TGFBR3: variants seen among roughly 807,000 people sequenced by gnomAD.
The protein encoded by TGFBR3 is transforming growth factor beta receptor type 3.
Under a neutral mutation model 87.9 loss-of-function variants are expected in TGFBR3, and 46 were observed. That is an observed-to-expected ratio of 0.52 (90% confidence interval 0.41 to 0.67). TGFBR3 has a LOEUF of 0.67. Among genes scored for constraint, TGFBR3 ranks in the 30% least tolerant of loss-of-function variants. The pLI is 0.00. For synonymous variants in TGFBR3, 381 were observed against 391.6 expected (o/e 0.97, Z 0.32); for missense variants, 866 against 1,041.9 (o/e 0.83, Z 2.32).
chr1:91,715,482 C>A (rs1024675821), intron 12 of TGFBR3, among the ~76,000 whole-genome samples: 1 of 152,156 alleles, frequency 6.6e-6, no homozygotes, highest in African/African-American at 2.4e-5. Context: ...ATTAGCCTCC[C>A]TTATAGGATG....
At chr1:91,778,065 CAGTA>C (rs1417545001) in intron 3 of TGFBR3, among the ~76,000 whole-genome samples, 1 of 151,518 alleles carries the variant, frequency 6.6e-6, no homozygotes, top group Non-Finnish European at 1.5e-5. Flanking sequence ...CTGTGCAAGG[CAGTA>C]AGATATAAGC....
At chr1:91,768,056 T>C (rs1403816204) in intron 3 of TGFBR3, among the ~76,000 whole-genome samples, 1 of 151,772 alleles carries the variant, frequency 6.6e-6, no homozygotes, top group East Asian at 1.9e-4. Flanking sequence ...CTATTAAAAA[T>C]ACAAAATTAG....
At chr1:91,724,837 C>T (rs1159963098) in intron 7 of TGFBR3, among the ~76,000 whole-genome samples, 5 of 152,180 alleles carry the variant, frequency 3.3e-5, no homozygotes, top group Admixed American at 2.0e-4. Context: ...AGTGCCTCCA[C>T]ACTCCCCCAT....
At chr1:91,833,496 G>A (rs1463610503) in intron 2 of TGFBR3, among the ~76,000 whole-genome samples, 10 of 147,404 alleles carry the variant, frequency 6.8e-5, no homozygotes, top group South Asian at 2.2e-4. Context: ...GGCCAGGCAC[G>A]GTGGCTTACG....
intron 15 of TGFBR3, 30 bp downstream of exon 15, chr1:91,698,059 T>C: frequency 6.2e-7 from 1 of 1,611,016 alleles, no homozygotes; most frequent in Non-Finnish European, 8.5e-7. Context: ...CCAGGAGGTT[T>C]TATTTCGAAA....
At chr1:91,777,524 C>T (rs1189393667) in intron 3 of TGFBR3, among the ~76,000 whole-genome samples, 2 of 152,112 alleles carry the variant, frequency 1.3e-5, no homozygotes, top group Admixed American at 1.3e-4. Context: ...CAAAAAGCAG[C>T]ACCAGGCAAG....
chr1:91,720,918 T>C (rs1416451375), intron 8 of TGFBR3, among the ~76,000 whole-genome samples: 1 of 152,218 alleles, frequency 6.6e-6, no homozygotes, highest in Admixed American at 6.5e-5. Context: ...TGGAACATAT[T>C]CCCTTGAAAG....
chr1:91,757,229 A>C (rs1242667250), intron 4 of TGFBR3, among the ~76,000 whole-genome samples: 1 of 152,052 alleles, frequency 6.6e-6, no homozygotes, highest in Non-Finnish European at 1.5e-5. Context: ...ATGTCGTTCA[A>C]TTTGGTTTTG....
At chr1:91,699,346 C>G (rs1052849253) in intron 14 of TGFBR3, among the ~76,000 whole-genome samples, 1 of 151,960 alleles carries the variant, frequency 6.6e-6, no homozygotes, top group Non-Finnish European at 1.5e-5. Context: ...GCTAGTCTCT[C>G]CCACCCTTGC....
intron 2 of TGFBR3, among the ~76,000 whole-genome samples, chr1:91,807,005 G>A (rs1675859610): frequency 6.6e-6 from 1 of 152,282 alleles, no homozygotes; most frequent in South Asian, 2.1e-4. Context: ...TACCAACACA[G>A]GATATGACGC....
chr1:91,740,433 T>C (rs1450644754), intron 4 of TGFBR3, among the ~76,000 whole-genome samples: 4 of 149,564 alleles, frequency 2.7e-5, no homozygotes, highest in African/African-American at 7.4e-5. Flanking sequence ...GGCATGATCT[T>C]GGCTCATTGC....
chr1:91,736,430 A>T (rs1672969895), intron 4 of TGFBR3, among the ~76,000 whole-genome samples: 1 of 141,138 alleles, frequency 7.1e-6, no homozygotes, highest in Admixed American at 7.6e-5. Flanking sequence ...AGCTACTCAC[A>T]ACAGCTACCA....
intron 2 of TGFBR3, among the ~76,000 whole-genome samples, chr1:91,816,649 C>A (rs946542493): frequency 6.6e-5 from 10 of 152,228 alleles, no homozygotes; most frequent in African/African-American, 2.2e-4. Context: ...CTAGAAACTG[C>A]GTGGTTCCCA....
chr1:91,745,897 A>G (rs1673328783), intron 4 of TGFBR3, among the ~76,000 whole-genome samples: 1 of 152,236 alleles, frequency 6.6e-6, no homozygotes. Flanking sequence ...CATTCATGAA[A>G]CACAAATCCA....
rs371345817 is a variant in TGFBR3 at position 91,835,940 on chromosome 1, A to G, written c.61+25531T>C. On this transcript the variant is annotated intron_variant, in intron 2 of 16. Transcript: ENST00000212355. ...TTACCCTAAAACATTACTTGAGGAT[A>G]TATGTTGTTAATGAGATAAAAATTC... 4.7e-4 allele frequency among the ~76,000 whole-genome samples: 71 copies of G among 151,544 alleles called. 2 individuals are homozygous for G. In the South Asian group the frequency reaches 0.014, roughly 29 times the overall value.
At chr1:91,837,213 G>T (rs1210839951) in intron 2 of TGFBR3, among the ~76,000 whole-genome samples, 1 of 142,464 alleles carries the variant, frequency 7.0e-6, no homozygotes, top group East Asian at 2.0e-4. Flanking sequence ...AAGACTATAA[G>T]TAAGGATATT....
At chr1:91,784,140 C>T (rs958315485) in intron 3 of TGFBR3, among the ~76,000 whole-genome samples, 50 of 152,122 alleles carry the variant, frequency 3.3e-4, no homozygotes, top group African/African-American at 1.2e-3. Context: ...AAAGACTGAA[C>T]AAAGATCTGC....
intron 1 of TGFBR3, among the ~76,000 whole-genome samples, chr1:91,873,813 G>C (rs1180328657): frequency 6.6e-6 from 1 of 152,166 alleles, no homozygotes; most frequent in Non-Finnish European, 1.5e-5. Flanking sequence ...GGCTGGGCCT[G>C]ATGGCATGTG....
chr1:91,896,220 A>C (rs1679547994), intron 2 of TGFBR3, among the ~76,000 whole-genome samples: 1 of 152,224 alleles, frequency 6.6e-6, no homozygotes, highest in African/African-American at 2.4e-5. Flanking sequence ...TATCTTAATC[A>C]GCACTATATT....
Sources: allele counts gnomAD v4.1 joint callset (sites outside exome capture counted in the v4.1 genomes callset), GRCh38; gene constraint gnomAD v4.1.1; transcripts MANE v1.5; gene names NCBI Gene and HGNC (gene_info 2026-07-23, HGNC 2026-07-21).